The following KCNQ3 variants were observed in gnomAD, a reference collection of about 807,000 sequenced individuals.
KCNQ3 encodes the protein potassium voltage-gated channel subfamily Q member 3.
Under a neutral mutation model 92.5 loss-of-function variants are expected in KCNQ3, and 30 were observed. The ratio of observed to expected loss-of-function variants is 0.32; its 90% confidence interval spans 0.24 to 0.44. The LOEUF is 0.44. Among genes scored for constraint, KCNQ3 ranks in the 20% least tolerant of loss-of-function variants. The pLI is 1.00. For synonymous variants in KCNQ3, 450 were observed against 468.8 expected, an observed-to-expected ratio of 0.96 and a Z score of 0.52; for missense variants, 913 against 1,140.3, an observed-to-expected ratio of 0.80 and a Z score of 2.87.
At chr8:132,388,912 G>A (rs1396250626) in intron 1 of KCNQ3, among the ~76,000 whole-genome samples, 2 of 152,100 alleles carry the variant, frequency 1.3e-5, no homozygotes, top group Admixed American at 1.3e-4. Context: ...AGTATAGTGG[G>A]AAACTTAAAT....
At chr8:132,199,213 C>T (rs567468345) in intron 1 of KCNQ3, among the ~76,000 whole-genome samples, 1 of 152,266 alleles carries the variant, frequency 6.6e-6, no homozygotes, top group African/African-American at 2.4e-5. Flanking sequence ...CCAACTGATA[C>T]TTTAAAGGAT....
intron 14 of KCNQ3, among the ~76,000 whole-genome samples, chr8:132,131,004 A>G (rs1226322031): frequency 6.6e-6 from 1 of 152,164 alleles, no homozygotes. Context: ...CTCAATAATA[A>G]CTGACAAGGG....
intron 1 of KCNQ3, among the ~76,000 whole-genome samples, chr8:132,373,567 G>A (rs1264741795): frequency 4.6e-5 from 7 of 152,106 alleles, no homozygotes; most frequent in African/African-American, 1.7e-4. Flanking sequence ...GGAAACTGAG[G>A]CACAGAGGGA....
chr8:132,480,352 C>A lies in KCNQ3; in HGVS notation c.181G>T (p.Ala61Ser). 6.3e-7 allele frequency: 1 copy of A among 1,592,524 alleles called. No individual in the cohort carries two copies. Among genetic ancestry groups the A allele is most frequent in the Non-Finnish European group, 8.5e-7 (1 of 1,174,026 alleles). The stretch of plus-strand genomic sequence containing the variant: ...AGCAGCAGGGTCCCGTCTTTGTCGG[C>A]TCCGGCCCCGAGCGCCAAGGTGACT... ...EQVTLALGAG[A>S]DKDGTLLLEG... The change falls in exon 1 of 15, where the codon GCC (alanine) becomes TCC (serine). Residue 61 changes from alanine to serine, a missense_variant. Around this residue, in one of 6 missense-constraint regions of KCNQ3, gnomAD observed 183 missense variants for 167.7 expected, o/e 1.09. Coordinates refer to ENST00000388996, the MANE Select transcript of KCNQ3 (RefSeq NM_004519.4).
At chr8:132,224,081 ATTTTTTTTTTTTTT>A (rs1164773143) in intron 1 of KCNQ3, among the ~76,000 whole-genome samples, 1 of 39,460 alleles carries the variant, frequency 2.5e-5, no homozygotes, top group African/African-American at 8.3e-5. Context: ...ATGCCAGGCT[ATTTTTTTTTTTTTT>A]TTTTTTTTTT....
In KCNQ3 at chr8:132,249,172, G is replaced by A. The variant is rs1050743233; in HGVS notation, c.387-62991C>T. ...GAGCAGCAACAAGATTTATTGCAAAGAGTGAAAGAACAAAGCTTCCACAGT... is the reference window on the plus strand; with the variant it reads ...GAGCAGCAACAAGATTTATTGCAAAAAGTGAAAGAACAAAGCTTCCACAGT... On this transcript the variant is annotated intron_variant, in intron 1 of 14. Coordinates refer to ENST00000388996, the MANE Select transcript of KCNQ3 (RefSeq NM_004519.4). Among the ~76,000 whole-genome samples the A allele has an allele frequency of 3.9e-4, 59 of 152,298 alleles. 2 individuals are homozygous for A. Among genetic ancestry groups the A allele is most frequent in the Admixed American group, 3.7e-3 (57 of 15,298 alleles).
intron 1 of KCNQ3, among the ~76,000 whole-genome samples, chr8:132,308,793 G>T (rs1015428331): frequency 1.3e-5 from 2 of 152,194 alleles, no homozygotes; most frequent in African/African-American, 2.4e-5. Context: ...TGGAGATACT[G>T]AGGATCAGAG....
chr8:132,428,505 C>T (rs1448500964), intron 1 of KCNQ3, among the ~76,000 whole-genome samples: 1 of 152,118 alleles, frequency 6.6e-6, no homozygotes, highest in Admixed American at 6.6e-5. Context: ...TCTCCTTGCC[C>T]CCAGAACCCA....
intron 1 of KCNQ3, among the ~76,000 whole-genome samples, chr8:132,215,646 TGAAG>T (rs1335405015): frequency 6.6e-6 from 1 of 152,174 alleles, no homozygotes; most frequent in African/African-American, 2.4e-5. Flanking sequence ...TGCTGTTTGT[TGAAG>T]GAAGTAGACC....
At chr8:132,148,915 A>G (rs747850) in intron 9 of KCNQ3, among the ~76,000 whole-genome samples, 1 of 151,976 alleles carries the variant, frequency 6.6e-6, no homozygotes, top group South Asian at 2.1e-4. Context: ...AGATTGTGAG[A>G]TTTCTCAGCC....
intron 9 of KCNQ3, among the ~76,000 whole-genome samples, chr8:132,160,664 G>C (rs1294124912): frequency 6.7e-6 from 1 of 149,286 alleles, no homozygotes; most frequent in African/African-American, 2.6e-5. Flanking sequence ...CCCATAGTCA[G>C]TTATAAAGCT....
intron 1 of KCNQ3, among the ~76,000 whole-genome samples, chr8:132,466,445 T>C (rs950974783): frequency 2.0e-5 from 3 of 152,116 alleles, no homozygotes; most frequent in African/African-American, 4.8e-5. Context: ...AAATGTGGCA[T>C]GTTTGTCTAA....
chr8:132,247,713 G>A (rs981842140), intron 1 of KCNQ3, among the ~76,000 whole-genome samples: 5 of 151,538 alleles, frequency 3.3e-5, no homozygotes, highest in African/African-American at 1.2e-4. Context: ...CAGGAGAATC[G>A]CTTGAACCCA....
Position 132,480,677 on chromosome 8 carries a change from C to T in KCNQ3, c.-145G>A. 2.2e-6 allele frequency: 2 copies of T among 902,578 alleles called. No individual in the cohort carries two copies. The highest frequency in any genetic ancestry group is 5.4e-5 in the Admixed American group (1 of 18,468). 55.9% of individuals were successfully genotyped at this position (902,578 alleles called of 1,614,324 possible). A position where few individuals can be genotyped will look rare whatever the true frequency, so the allele number is the denominator to read the frequency against. ...ATCCGCGCGCCCCTCCCCACCCCCCCCCAAAAGCAGGCAAAGGCGGGCCCC... is the reference window on the plus strand; with the variant it reads ...ATCCGCGCGCCCCTCCCCACCCCCCTCCAAAAGCAGGCAAAGGCGGGCCCC... On this transcript the variant is annotated 5_prime_UTR_variant, in exon 1 of 15. Coordinates refer to ENST00000388996, the MANE Select transcript of KCNQ3 (RefSeq NM_004519.4).
At chr8:132,227,199 C>T (rs774750685) in intron 1 of KCNQ3, among the ~76,000 whole-genome samples, 35 of 151,750 alleles carry the variant, frequency 2.3e-4, no homozygotes, top group Non-Finnish European at 4.4e-4. Flanking sequence ...GTAGCTGGGA[C>T]TACAGGCACG....
At chr8:132,375,733 C>A (rs2130745828) in intron 1 of KCNQ3, among the ~76,000 whole-genome samples, 1 of 152,308 alleles carries the variant, frequency 6.6e-6, no homozygotes, top group South Asian at 2.1e-4. Flanking sequence ...GGGTTACACT[C>A]TCTCTCCAAT....
At chr8:132,358,750 G>A (rs1819083463) in intron 1 of KCNQ3, among the ~76,000 whole-genome samples, 1 of 152,112 alleles carries the variant, frequency 6.6e-6, no homozygotes, top group Non-Finnish European at 1.5e-5. Flanking sequence ...CTTGTGGGAT[G>A]AGTATGAACC....
rs1444622203 is a variant in KCNQ3, at chr8:132,189,178, T to A, written c.387-2997A>T. 2.0e-5 allele frequency among the ~76,000 whole-genome samples: 3 copies of A among 152,136 alleles called. No individual in the cohort carries two copies. In the East Asian group the frequency reaches 5.8e-4, roughly 29 times the overall value. On this transcript the variant is annotated intron_variant, in intron 1 of 14. Coordinates refer to ENST00000388996, the MANE Select transcript of KCNQ3 (RefSeq NM_004519.4). ...CTTGATGGTCCTCTTCCCTGTCCAC[T>A]TTTGCCATGTCCCCATCATTAACCT... is the stretch of plus-strand genomic sequence containing the variant.
intron 1 of KCNQ3, among the ~76,000 whole-genome samples, chr8:132,292,267 G>A (rs1325122933): frequency 6.6e-6 from 1 of 152,204 alleles, no homozygotes; most frequent in African/African-American, 2.4e-5. Context: ...ACTGATAACA[G>A]TGGTTGAATG....
Sources: allele counts gnomAD v4.1 joint callset (sites outside exome capture counted in the v4.1 genomes callset), GRCh38; gene constraint gnomAD v4.1.1; regional missense constraint gnomAD v4.1.1; transcripts MANE v1.5; gene names NCBI Gene and HGNC (gene_info 2026-07-23, HGNC 2026-07-21).